The following ACOX1 variants were observed in gnomAD, a reference collection of about 807,000 sequenced individuals.
ACOX1 encodes acyl-CoA oxidase 1.
Under a neutral mutation model 75.5 loss-of-function variants are expected in ACOX1, and 41 were observed. The ratio of observed to expected loss-of-function variants is 0.54; its 90% CI spans 0.42 to 0.70. The LOEUF is 0.70. Among genes scored for constraint, ACOX1 ranks in the 30% least tolerant of loss-of-function variants. ACOX1 has a pLI of 0.00. For synonymous variants in ACOX1, 303 were observed against 298.8 expected, an observed-to-expected ratio of 1.01 and a Z score of -0.15; for missense variants, 630 against 837.5, an observed-to-expected ratio of 0.75 and a Z score of 3.06.
intron 4 of ACOX1, among the ~76,000 whole-genome samples, chr17:75,956,410 GC>G (rs1436406649): frequency 6.6e-6 from 1 of 152,136 alleles, no homozygotes; most frequent in Non-Finnish European, 1.5e-5. Context: ...TTTCGGGTCA[GC>G]CGGGCACGGT....
Position 75,951,461 on chromosome 17 carries a change from C to T in ACOX1, c.1061G>A (p.Arg354Gln), listed in dbSNP as rs1268755550. The stretch of plus-strand genomic sequence containing the variant: ...CCCTTGACCAATGCCTTCGTTAATC[C>T]GGTGATAGGTCTCCTTCATGTATGC... Reference protein sequence around the residue: ...VGAYMKETYHRINEGIGQGDL... With the variant: ...VGAYMKETYHQINEGIGQGDL... Residue 354 changes from arginine (R) to glutamine (Q), a missense_variant, in exon 8 of 14, where the codon CGG (arginine) becomes CAG (glutamine). Arg to Gln is a conservative substitution (Grantham distance 43). Transcript: ENST00000293217. The T allele has an allele frequency of 1.2e-6, 2 of 1,614,098 alleles. No individual in the cohort carries two copies. The highest frequency in any genetic ancestry group is 1.1e-5 in the South Asian group (1 of 91,074).
At position 75,949,728 on chromosome 17, in the gene ACOX1, G is replaced by A. The variant is rs143601596; in HGVS notation, c.1468C>T (p.Arg490Cys). Residue 490 changes from arginine to cysteine, a missense_variant, in exon 10 of 14, where the codon CGT becomes TGT. Physicochemically the swap from Arg to Cys is radical, Grantham distance 180. This residue lies in a region of ACOX1 where 240 missense variants were observed against 262.7 expected (regional missense o/e 0.91). Coordinates refer to ENST00000293217, the MANE Select transcript of ACOX1 (RefSeq NM_004035.7). ...TGAGGGAGAGCTCACCTGGCTGCAC[G>A]GAGTTTATATGCTTCGGTTAGGCTT... ...PESLTEAYKL[R>C]AARLVEIAAK... 1.2e-5 allele frequency: 20 copies of A among 1,614,130 alleles called. No individual in the cohort carries two copies. Among genetic ancestry groups the A allele is most frequent in the African/African-American group, 2.7e-5 (2 of 75,024 alleles).
chr17:75,949,855 C>T lies in ACOX1; in HGVS notation c.1341G>A (p.Leu447=). The T allele has an allele frequency of 6.2e-7, 1 of 1,614,228 alleles. No homozygotes were observed. Among genetic ancestry groups the T allele is most frequent in the Non-Finnish European group, 8.5e-7 (1 of 1,180,034 alleles). Residue 447 remains leucine (L), a synonymous_variant, in exon 10 of 14, where the codon TTG becomes TTA. Transcript: ENST00000293217. ...TCAAATAGGACACCATGCCACACAC[C>T]AACTTTCCTGAGTGCACCTGATCAT... ...KSYDQVHSGK[L]VCGMVSYLND...
intron 2 of ACOX1, among the ~76,000 whole-genome samples, chr17:75,972,684 C>T (rs989386270): frequency 6.7e-6 from 1 of 148,306 alleles, no homozygotes; most frequent in Non-Finnish European, 1.5e-5. Flanking sequence ...TCTTCCTTTA[C>T]AAACCTTTCT....
At chr17:75,968,021 G>A (rs2065955211) in intron 2 of ACOX1, among the ~76,000 whole-genome samples, 1 of 151,220 alleles carries the variant, frequency 6.6e-6, no homozygotes. Context: ...TTACAGGCGA[G>A]AGCCATTGCA....
Position 75,960,765 on chromosome 17 carries a change from G to A in ACOX1, c.270-390C>T, listed in dbSNP as rs1285574268. 1.3e-5 allele frequency among the ~76,000 whole-genome samples: 2 copies of A among 152,230 alleles called. No homozygotes were observed. The highest frequency in any genetic ancestry group is 1.5e-5 in the Non-Finnish European group (1 of 68,050). The stretch of plus-strand genomic sequence containing the variant: ...GGCCAAGGCGGTCAGATCACCTTAA[G>A]TCAGGAGTTCGAGACCAGCCTGGCC... On this transcript the variant is annotated intron_variant, in intron 2 of 13. Coordinates refer to ENST00000293217, the MANE Select transcript of ACOX1 (RefSeq NM_004035.7). The surrounding 1 kb of genome is among the most constrained non-coding windows in gnomAD (Gnocchi z 4.4).
In ACOX1 at chr17:75,955,864, G is replaced by A. The variant is rs1170077802; in HGVS notation, c.622C>T (p.Pro208Ser). 2 of 1,613,918 alleles carry A rather than the reference G, an allele frequency of 1.2e-6. No individual in the cohort carries two copies. The highest frequency in any genetic ancestry group is 4.5e-5 in the East Asian group (2 of 44,856). Residue 208 changes from proline to serine, a missense_variant, in exon 5 of 14, where the codon CCT becomes TCT. Transcript: ENST00000293217. ...TTATGGGTCCCGATTTCACGAATAG[G>A]TACGATAAAGGCATGTAATCCATAG... ...KCYGLHAFIV[P>S]IREIGTHKPL...
Position 75,978,431 on chromosome 17 carries a change from G to A in ACOX1, c.269+103C>T, listed in dbSNP as rs923100947. On this transcript the variant is annotated intron_variant, in intron 2 of 13. Transcript: ENST00000293217. This position sits in a 1 kb window ranked among gnomAD's most constrained non-coding sequence, Gnocchi z 4.2. ...TATAAAGTTGCATGAAAATATGCCA[G>A]TTTGCATCTTCAAACACCAAGCACG... 7.5e-6 allele frequency: 11 copies of A among 1,469,514 alleles called. No homozygotes were observed. In the African/African-American group the frequency reaches 1.2e-4, roughly 17 times the overall value. 91.0% of individuals were successfully genotyped at this position (1,469,514 alleles called of 1,614,324 possible).
intron 2 of ACOX1, among the ~76,000 whole-genome samples, chr17:75,972,170 T>C (rs1186723933): frequency 6.6e-6 from 1 of 151,248 alleles, no homozygotes; most frequent in Non-Finnish European, 1.5e-5. Context: ...TCTACTAAAA[T>C]ACAAAAAATT....
At chr17:75,976,078 G>A (rs571519208) in intron 2 of ACOX1, among the ~76,000 whole-genome samples, 7 of 152,098 alleles carry the variant, frequency 4.6e-5, no homozygotes, top group Non-Finnish European at 7.3e-5. Context: ...TAATCGATGA[G>A]ATTATATAAC....
intron 7 of ACOX1, 103 bp downstream of exon 7, chr17:75,953,348 C>T: frequency 2.2e-6 from 3 of 1,342,572 alleles, no homozygotes; most frequent in South Asian, 2.4e-5. Flanking sequence ...GCCAATTTTG[C>T]AGTGCTAATG....
chr17:75,946,876 GTTTTT>G, intron 13 of ACOX1, 81 bp from the exon 14 acceptor site: 2 of 1,202,674 alleles, frequency 1.7e-6, no homozygotes, highest in African/African-American at 3.1e-5. Context: ...TTTTGTTTTT[GTTTTT>G]TTTTTGAGAC....
rs750387390 is a variant in ACOX1, at chr17:75,950,998, T to C, written c.1108-34A>G. 5 of 1,608,076 alleles carry C rather than the reference T, an allele frequency of 3.1e-6. No homozygotes were observed. In the South Asian group the frequency reaches 5.5e-5, roughly 18 times the overall value. On this transcript the variant is annotated intron_variant, in intron 8 of 13. Coordinates refer to ENST00000293217, the MANE Select transcript of ACOX1 (RefSeq NM_004035.7). This position sits in a 1 kb window ranked among gnomAD's most constrained non-coding sequence, Gnocchi z 4.3. ...ACAAGCACAGATCTGTCAGGACATCTGTGGTGCTGAGAGCCCGAGAACCAA... is the reference window on the plus strand; with the variant it reads ...ACAAGCACAGATCTGTCAGGACATCCGTGGTGCTGAGAGCCCGAGAACCAA...
At chr17:75,970,149 T>C (rs2144304839) in intron 2 of ACOX1, among the ~76,000 whole-genome samples, 1 of 131,822 alleles carries the variant, frequency 7.6e-6, no homozygotes, top group South Asian at 2.4e-4. Flanking sequence ...ATTGTACCAT[T>C]GCACCACTCC....
At chr17:75,969,456 G>A (rs9635661) in intron 2 of ACOX1, among the ~76,000 whole-genome samples, 7,461 of 152,096 alleles carry the variant, frequency 0.049, 208 homozygotes, top group East Asian at 0.094. Context: ...GTGAGCCACC[G>A]TGCCTGGCCA....
intron 8 of ACOX1, 140 bp downstream of exon 8, chr17:75,951,275 A>T (rs1237641721): frequency 9.9e-7 from 1 of 1,012,232 alleles, no homozygotes; most frequent in Non-Finnish European, 1.5e-6. Context: ...TTCATATCTG[A>T]TCTACTTTCA....
chr17:75,958,664 T>C lies in ACOX1; in HGVS notation c.431-1098A>G, dbSNP rs183061479. Among the ~76,000 whole-genome samples the C allele has an allele frequency of 3.5e-3, 524 of 151,610 alleles. 3 individuals are homozygous for C. The highest frequency in any genetic ancestry group is 0.01 in the African/African-American group (432 of 41,376). On this transcript the variant is annotated intron_variant, in intron 3 of 13. Transcript: ENST00000293217. ...TCTACTAAAAATACAAAAAATTAGC[T>C]GGGCATGGTGGTGGGTGCCTGTAGT...
chr17:75,965,103 C>T (rs1301663994), intron 2 of ACOX1, among the ~76,000 whole-genome samples: 3 of 151,866 alleles, frequency 2.0e-5, no homozygotes, highest in South Asian at 2.1e-4. Flanking sequence ...TTTGAGAGGC[C>T]GAGGAGGGCG....
Position 75,948,418 on chromosome 17 carries a change from G to T in ACOX1, c.1768C>A (p.Gln590Lys), listed in dbSNP as rs775477982. ...AGAGTGAGTAACTCCTTTACACGCT[G>T]GTTTACTTGTGTAATCTGAGGCTCT... ...MTEPQITQVN[Q>K]RVKELLTLIR... Residue 590 changes from glutamine (Q) to lysine (K), a missense_variant, in exon 13 of 14, where the codon CAG becomes AAG. Coordinates refer to ENST00000293217, the MANE Select transcript of ACOX1 (RefSeq NM_004035.7). 3.1e-6 allele frequency: 5 copies of T among 1,613,986 alleles called. No homozygotes were observed. Among genetic ancestry groups the T allele is most frequent in the Non-Finnish European group, 4.2e-6 (5 of 1,179,992 alleles).
Sources: gnomAD v4.1 joint callset for allele counts (sites outside exome capture counted in the v4.1 genomes callset) on GRCh38, gnomAD v4.1.1 for gene constraint, gnomAD v4.1.1 regional missense constraint, Gnocchi (gnomAD v3.1) non-coding constraint, MANE v1.5 for transcripts, NCBI Gene and HGNC (gene_info 2026-07-23, HGNC 2026-07-21) for gene names.